The following ZNF70 variants were observed in gnomAD, a reference collection of about 807,000 sequenced individuals.
ZNF70 encodes the protein zinc finger protein N27C7-1.
ZNF70 carries 18 observed loss-of-function variants against 37.7 expected under a neutral mutation model. That is an observed-to-expected ratio of 0.48 (90% CI 0.33 to 0.71). ZNF70 has a LOEUF of 0.71. ZNF70 is among the 30% of genes least tolerant of loss of function. The pLI, the probability that ZNF70 is intolerant of heterozygous loss-of-function variation, is 0.02. For missense variants in ZNF70, 506 were observed against 568.6 expected (o/e 0.89, Z 1.12); for synonymous variants, 219 against 220.1 (o/e 0.99, Z 0.05).
intron 1 of ZNF70, among the ~76,000 whole-genome samples, chr22:23,746,003 C>G (rs1925108766): frequency 6.6e-6 from 1 of 152,148 alleles, no homozygotes; most frequent in Admixed American, 6.6e-5. Flanking sequence ...CTTCCTGAGG[C>G]TGCATGGGCA....
In ZNF70 at chr22:23,745,042, G is replaced by A; in HGVS notation, c.99C>T (p.Asp33=). 6.2e-7 allele frequency: 1 copy of A among 1,614,176 alleles called. No individual in the cohort carries two copies. Among genetic ancestry groups the A allele is most frequent in the Non-Finnish European group, 8.5e-7 (1 of 1,180,032 alleles). The stretch of plus-strand genomic sequence containing the variant: ...CCAAACCTCTTTCCTGAAGAAAAGG[G>A]TCCCCCAGGTCCTCCCCTGGGAAAA... ...QGLFPGEDLG[D]PFLQERGLEQ... is the part of the protein sequence containing the mutation. The change falls in exon 2 of 2, where the codon GAC becomes GAT. Residue 33 remains aspartate, a synonymous_variant. Transcript: ENST00000341976.
intron 1 of ZNF70, among the ~76,000 whole-genome samples, chr22:23,747,528 C>T (rs1177287969): frequency 4.6e-5 from 7 of 152,068 alleles, no homozygotes; most frequent in Admixed American, 2.0e-4. Context: ...GTCTAGGAGA[C>T]ATAAATAAAT....
chr22:23,742,246 C>CA lies in ZNF70; in HGVS notation c.*1553dup, dbSNP rs143720659. ...CTGGCAACAGGGCAACACTCCATCT[C>CA]AAAAAAAAAAGCCCAGCACAGGGCC... On this transcript the variant is annotated 3_prime_UTR_variant, in exon 2 of 2. Transcript: ENST00000341976. The CA allele has an allele frequency of 0.12, 18,197 of 147,888 alleles. 1,286 individuals carry two copies. The highest frequency in any genetic ancestry group is 0.33 in the East Asian group (1,703 of 5,092). 9.2% of individuals were successfully genotyped at this position (147,888 alleles called of 1,614,324 possible).
rs1478962666 is a variant in ZNF70, at chr22:23,742,189, A to C, written c.*1611T>G. ...CTTGAACCCAGGAGGCAGAGCTTGC[A>C]GTAAGCCAAGATCACGCCACTGCAT... is the stretch of plus-strand genomic sequence containing the variant. On this transcript the variant is annotated 3_prime_UTR_variant, in exon 2 of 2. Coordinates refer to ENST00000341976, the MANE Select transcript of ZNF70 (RefSeq NM_021916.4). 6.6e-6 allele frequency: 1 copy of C among 152,384 alleles called. No homozygotes were observed. Among genetic ancestry groups the C allele is most frequent in the Non-Finnish European group, 1.5e-5 (1 of 68,192 alleles). 9.4% of individuals were successfully genotyped at this position (152,384 alleles called of 1,614,324 possible).
At position 23,749,527 on chromosome 22, in the gene ZNF70, C is replaced by CAAAAAA. The variant is rs61374101; in HGVS notation, c.-80+1178_-80+1183dup. Among the ~76,000 whole-genome samples the CAAAAAA allele has an allele frequency of 1.0e-3, 25 of 24,108 alleles. 5 individuals are homozygous for CAAAAAA. The highest frequency in any genetic ancestry group is 3.3e-3 in the African/African-American group (23 of 7,004). 15.8% of individuals were successfully genotyped at this position (24,108 alleles called of 152,430 possible). A position where few individuals can be genotyped will look rare whatever the true frequency, so the allele number is the denominator to read the frequency against. ...TGGGCGACAGGACGAGACTCCGTCT[C>CAAAAAA]AAAAAAAAAAAAAAAAAAAAAAAAA... On this transcript the variant is annotated intron_variant, in intron 1 of 1. Transcript: ENST00000341976.
rs138600065 is a variant in ZNF70 at position 23,743,789 on chromosome 22, G to A, written c.*11C>T. The stretch of plus-strand genomic sequence containing the variant: ...GGCACAGGCTTTCAAGCTTTGTGTG[G>A]GCTCCTCTTTCTATAGCTTCTCCCC... On this transcript the variant is annotated 3_prime_UTR_variant, in exon 2 of 2. Transcript: ENST00000341976. 1 of 1,605,916 alleles carries A rather than the reference G, an allele frequency of 6.2e-7. No individual in the cohort carries two copies.
In ZNF70 at chr22:23,745,206, A is replaced by G. The variant is rs1925081277; in HGVS notation, c.-66T>C. ...AAATGTTCTTCTTTGGGCCACACTT[A>G]CTGTTCTCACAATCTGAAAAGAAAA... On this transcript the variant is annotated 5_prime_UTR_variant, in exon 2 of 2. Coordinates refer to ENST00000341976, the MANE Select transcript of ZNF70 (RefSeq NM_021916.4). 4.0e-6 allele frequency: 6 copies of G among 1,512,794 alleles called. No homozygotes were observed. The highest frequency in any genetic ancestry group is 5.4e-6 in the Non-Finnish European group (6 of 1,121,440). 93.7% of individuals were successfully genotyped at this position (1,512,794 alleles called of 1,614,324 possible). A position where few individuals can be genotyped will look rare whatever the true frequency, so the allele number is the denominator to read the frequency against.
Position 23,744,564 on chromosome 22 carries a change from C to G in ZNF70, c.577G>C (p.Glu193Gln), listed in dbSNP as rs746380048. The G allele has an allele frequency of 1.4e-5, 23 of 1,613,720 alleles. No homozygotes were observed. Among genetic ancestry groups the G allele is most frequent in the African/African-American group, 2.7e-5 (2 of 74,858 alleles). The change falls in exon 2 of 2, where the codon GAG (glutamate) becomes CAG (glutamine). Residue 193 changes from glutamate (E) to glutamine (Q), a missense_variant. Glu to Gln is a conservative substitution (Grantham distance 29, BLOSUM62 2). Coordinates refer to ENST00000341976, the MANE Select transcript of ZNF70 (RefSeq NM_021916.4). The part of the protein sequence containing the change: ...LLRHQIIHTG[E>Q]KPYECRECGK... ...CACTCCCGGCACTCGTAGGGCTTCT[C>G]CCCGGTGTGGATGATCTGGTGCCTG...
chr22:23,747,537 A>G (rs1464498332), intron 1 of ZNF70, among the ~76,000 whole-genome samples: 3 of 152,168 alleles, frequency 2.0e-5, no homozygotes, highest in Non-Finnish European at 4.4e-5. Context: ...ACATAAATAA[A>G]TAAAACAGAC....
At chr22:23,750,327 A>G (rs935460569) in intron 1 of ZNF70, among the ~76,000 whole-genome samples, 1 of 152,028 alleles carries the variant, frequency 6.6e-6, no homozygotes, top group Non-Finnish European at 1.5e-5. Flanking sequence ...AGTTACCAAT[A>G]TTTAAAACTC....
At chr22:23,747,177 G>C (rs1477309021) in intron 1 of ZNF70, among the ~76,000 whole-genome samples, 1 of 152,168 alleles carries the variant, frequency 6.6e-6, no homozygotes, top group African/African-American at 2.4e-5. Flanking sequence ...GTCTAGGACA[G>C]GGGTCCCCAA....
rs755087522 is a variant in ZNF70 at position 23,744,055 on chromosome 22, C to T, written c.1086G>A (p.Lys362=). The part of the protein sequence containing the change: ...IEHQRIHTGE[K]PYECCQCGKA... ...TGCCACACTGACAGCACTCGTAGGGCTTCTCACCGGTGTGGATGCGCTGGT... is the reference window on the plus strand; with the variant it reads ...TGCCACACTGACAGCACTCGTAGGGTTTCTCACCGGTGTGGATGCGCTGGT... Residue 362 remains lysine (K), a synonymous_variant, in exon 2 of 2, where the codon AAG becomes AAA. Coordinates refer to ENST00000341976, the MANE Select transcript of ZNF70 (RefSeq NM_021916.4). 4 of 1,614,114 alleles carry T rather than the reference C, an allele frequency of 2.5e-6. No homozygotes were observed. The East Asian group carries it at 8.9e-5, about 36-fold the overall frequency.
At position 23,743,937 on chromosome 22, in the gene ZNF70, G is replaced by A; in HGVS notation, c.1204C>T (p.His402Tyr). The A allele has an allele frequency of 6.2e-7, 1 of 1,613,392 alleles. No homozygotes were observed. Among genetic ancestry groups the A allele is most frequent in the South Asian group, 1.1e-5 (1 of 91,072 alleles). The change falls in exon 2 of 2, where the codon CAC (histidine) becomes TAC (tyrosine). Residue 402 changes from histidine (H) to tyrosine (Y), a missense_variant. His to Tyr is a moderately conservative substitution (Grantham distance 83, BLOSUM62 2). Transcript: ENST00000341976. ...TAGTGCTCAATGAGGGCTGACCGGT[G>A]CCGGAAGGCTTTGCCACACTCGCAG... ...YTCECGKAFR[H>Y]RSALIEHYKT...
chr22:23,740,046 C>T lies in ZNF70; in HGVS notation c.*3754G>A, dbSNP rs901835884. 3 of 152,122 alleles carry T rather than the reference C, an allele frequency of 2.0e-5. No individual in the cohort carries two copies. Among genetic ancestry groups the T allele is most frequent in the Non-Finnish European group, 1.5e-5 (1 of 67,994 alleles). 9.4% of individuals were successfully genotyped at this position (152,122 alleles called of 1,614,324 possible). A position where few individuals can be genotyped will look rare whatever the true frequency, so the allele number is the denominator to read the frequency against. On this transcript the variant is annotated 3_prime_UTR_variant, in exon 2 of 2. Coordinates refer to ENST00000341976, the MANE Select transcript of ZNF70 (RefSeq NM_021916.4). ...TAAAAAAATGCCGAGCGCGGTGGCT[C>T]ACACCTGTAATCCCAGCACTTTGGG...
intron 1 of ZNF70, among the ~76,000 whole-genome samples, chr22:23,749,796 G>C (rs1249020923): frequency 6.6e-6 from 1 of 151,746 alleles, no homozygotes; most frequent in Non-Finnish European, 1.5e-5. Context: ...CTCCTCTTCA[G>C]CAACCCATAA....
In ZNF70 at chr22:23,744,744, T is replaced by A. The variant is rs201707523; in HGVS notation, c.397A>T (p.Thr133Ser). Residue 133 changes from threonine (T) to serine (S), a missense_variant, in exon 2 of 2, where the codon ACC (threonine) becomes TCC (serine). Physicochemically the swap from Thr to Ser is moderately conservative, Grantham distance 58. Coordinates refer to ENST00000341976, the MANE Select transcript of ZNF70 (RefSeq NM_021916.4). ...GDSGPNAPHR[T>S]PQPAKPYACR... ...GCATAGGGCTTGGCTGGTTGTGGGG[T>A]TCTGTGAGGTGCGTTAGGTCCTGAG... 1.1e-5 allele frequency: 18 copies of A among 1,614,060 alleles called. No homozygotes were observed. Among genetic ancestry groups the A allele is most frequent in the Non-Finnish European group, 1.5e-5 (18 of 1,180,008 alleles).
chr22:23,741,999 G>A lies in ZNF70; in HGVS notation c.*1801C>T, dbSNP rs151107303. The A allele has an allele frequency of 2.5e-3, 383 of 152,516 alleles. 3 individuals are homozygous for A. The East Asian group carries it at 0.027, about 11-fold the overall frequency. The allele number at this position is 152,516 out of a possible 1,614,324, so 9.4% of individuals were successfully genotyped here. On this transcript the variant is annotated 3_prime_UTR_variant, in exon 2 of 2. Transcript: ENST00000341976. ...TGTGGAGGCTCATGCCTGTAATCCC[G>A]GCACTTTGGGAGGTCAAGGCGGGCA...
At position 23,744,897 on chromosome 22, in the gene ZNF70, C is replaced by G; in HGVS notation, c.244G>C (p.Gly82Arg). Residue 82 changes from glycine (G) to arginine (R), a missense_variant, in exon 2 of 2, where the codon GGA becomes CGA. Physicochemically the swap from Gly to Arg is moderately radical, Grantham distance 125 (BLOSUM62 -2). Transcript: ENST00000341976. ...AGCTCATCATCCTGGGGTCTGGTTC[C>G]TGGGGGGATACTTTGATGCTGAACA... ...SPVQHQSIPP[G>R]TRPQDDELFG... 1 of 1,614,202 alleles carries G rather than the reference C, an allele frequency of 6.2e-7. No homozygotes were observed. The highest frequency in any genetic ancestry group is 8.5e-7 in the Non-Finnish European group (1 of 1,180,032).
rs1793592613 is a variant in ZNF70 at position 23,744,790 on chromosome 22, A to ACAAT, written c.347_350dup (p.Cys117Ter). On this transcript the variant is annotated stop_gained and frameshift_variant, in exon 2 of 2. Transcript: ENST00000341976. LOFTEE classifies it high-confidence loss of function. ...CTGAGTCCCCTCTGTCTGTTTCTGC[A>ACAAT]CAATCGCATGGACTGGGCTCTTCAC... 1 of 1,614,086 alleles carries ACAAT rather than the reference A, an allele frequency of 6.2e-7. No individual in the cohort carries two copies. Among genetic ancestry groups the ACAAT allele is most frequent in the Admixed American group, 1.7e-5 (1 of 59,992 alleles).
Sources: allele counts gnomAD v4.1 joint callset (sites outside exome capture counted in the v4.1 genomes callset), GRCh38; gene constraint gnomAD v4.1.1; transcripts MANE v1.5; gene names NCBI Gene and HGNC (gene_info 2026-07-23, HGNC 2026-07-21).